The following ASIC2 variants were observed in gnomAD, a reference collection of about 807,000 sequenced individuals.
ASIC2 encodes acid sensing ion channel subunit 2.
Under a neutral mutation model 57.3 loss-of-function variants are expected in ASIC2, and 25 were observed. The observed-to-expected ratio is 0.44, with a 90% CI of 0.32 to 0.61. The LOEUF (loss-of-function observed/expected upper bound fraction) is 0.61, where lower values mean the gene tolerates loss of function less well. Among genes scored for constraint, ASIC2 ranks in the 20% least tolerant of loss-of-function variants. The pLI, the probability that ASIC2 is intolerant of heterozygous loss-of-function variation, is 0.06. For missense variants in ASIC2, 641 were observed against 738.1 expected, an observed-to-expected ratio of 0.87 and a Z score of 1.52; for synonymous variants, 319 against 307.5, an observed-to-expected ratio of 1.04 and a Z score of -0.39.
At chr17:33,477,694 C>T (rs892460205) in intron 1 of ASIC2, among the ~76,000 whole-genome samples, 2 of 152,196 alleles carry the variant, frequency 1.3e-5, no homozygotes, top group Non-Finnish European at 2.9e-5. Context: ...CCTCAAGCAC[C>T]TCACTCTTGA....
chr17:33,973,242 G>A (rs1905272277), intron 1 of ASIC2, among the ~76,000 whole-genome samples: 1 of 152,214 alleles, frequency 6.6e-6, no homozygotes, highest in African/African-American at 2.4e-5. Context: ...TTCAGCTGAA[G>A]GGATCAGAAG....
Position 33,852,290 on chromosome 17 carries a change from C to A in ASIC2, c.555+303688G>T, listed in dbSNP as rs552005339. 3.7e-4 allele frequency among the ~76,000 whole-genome samples: 57 copies of A among 152,320 alleles called. 1 individual carries two copies. The South Asian group carries it at 7.1e-3, about 19-fold the overall frequency. ...TTTAGATATGTGAAGCTGTGAAAAT[C>A]AAAGGCACAGGATGTTTTCTTTGTG... On this transcript the variant is annotated intron_variant, in intron 1 of 9. Transcript: ENST00000359872.
At chr17:33,174,160 G>C (rs547373062) in intron 1 of ASIC2, among the ~76,000 whole-genome samples, 1 of 152,102 alleles carries the variant, frequency 6.6e-6, no homozygotes, top group Non-Finnish European at 1.5e-5. Flanking sequence ...GGTGGTTCAC[G>C]CCTGTAATCC....
chr17:33,065,803 G>T (rs2092041072), intron 3 of ASIC2, among the ~76,000 whole-genome samples: 1 of 152,136 alleles, frequency 6.6e-6, no homozygotes, highest in Non-Finnish European at 1.5e-5. Flanking sequence ...GGAGTAAAAT[G>T]AAAAACTATA....
At chr17:33,560,297 G>C (rs530304410) in intron 1 of ASIC2, among the ~76,000 whole-genome samples, 361 of 152,306 alleles carry the variant, frequency 2.4e-3, no homozygotes, top group Non-Finnish European at 3.3e-3. Context: ...TGATGTTGAC[G>C]TCCTCCCTGA....
rs926493710 is a variant in ASIC2, at chr17:33,643,225, AT to A, written c.555+512752del. Among the ~76,000 whole-genome samples, 41 of 151,224 alleles carry A rather than the reference AT, an allele frequency of 2.7e-4. 1 individual carries two copies. Among genetic ancestry groups the A allele is most frequent in the Admixed American group, 2.6e-3 (40 of 15,168 alleles). ...TGACATCTTGCCATTAATTGGCAGC[AT>A]TTTTTTCTTTCTGGGTGATACATAA... On this transcript the variant is annotated intron_variant, in intron 1 of 9. Coordinates refer to the ASIC2 transcript ENST00000359872.
chr17:33,562,190 C>T (rs1355546001), intron 1 of ASIC2, among the ~76,000 whole-genome samples: 1 of 151,168 alleles, frequency 6.6e-6, no homozygotes, highest in African/African-American at 2.4e-5. Flanking sequence ...CCTTTCTCTG[C>T]ACTTTCAAAT....
chr17:33,797,596 G>T (rs977419024), intron 1 of ASIC2, among the ~76,000 whole-genome samples: 7 of 152,310 alleles, frequency 4.6e-5, no homozygotes, highest in South Asian at 4.2e-4. Flanking sequence ...GCTTGGCTCT[G>T]TGTACAGCAT....
chr17:33,333,962 G>A (rs768785116), intron 1 of ASIC2, among the ~76,000 whole-genome samples: 5 of 152,228 alleles, frequency 3.3e-5, no homozygotes, highest in Admixed American at 6.5e-5. Flanking sequence ...CTCTTCAGTG[G>A]TGTTGGCACA....
chr17:34,032,179 C>G (rs1051291133), intron 1 of ASIC2, among the ~76,000 whole-genome samples: 8 of 152,180 alleles, frequency 5.3e-5, no homozygotes, highest in African/African-American at 1.9e-4. Flanking sequence ...AGAAACTCTA[C>G]AAGCCAGAAG....
At chr17:33,685,112 G>A (rs1425657960) in intron 1 of ASIC2, among the ~76,000 whole-genome samples, 2 of 151,668 alleles carry the variant, frequency 1.3e-5, no homozygotes, top group South Asian at 2.1e-4. Context: ...GGTTCCCCCT[G>A]GGGGGGCTTA....
At chr17:33,741,379 G>T (rs1344346199) in intron 1 of ASIC2, among the ~76,000 whole-genome samples, 2 of 152,176 alleles carry the variant, frequency 1.3e-5, no homozygotes, top group Non-Finnish European at 2.9e-5. Flanking sequence ...CTGCTACACA[G>T]GACTGATAGG....
intron 1 of ASIC2, among the ~76,000 whole-genome samples, chr17:33,476,371 G>C (rs938941725): frequency 6.6e-6 from 1 of 151,994 alleles, no homozygotes; most frequent in Non-Finnish European, 1.5e-5. Context: ...CTGTATGACT[G>C]TATCACAACT....
At chr17:34,034,187 G>T (rs939776825) in intron 1 of ASIC2, among the ~76,000 whole-genome samples, 11 of 152,214 alleles carry the variant, frequency 7.2e-5, no homozygotes, top group Admixed American at 1.3e-4. Context: ...TTCATCCCTG[G>T]AATGCAAGGC....
intron 1 of ASIC2, among the ~76,000 whole-genome samples, chr17:33,313,921 A>C (rs757276966): frequency 5.3e-5 from 8 of 151,974 alleles, no homozygotes; most frequent in Non-Finnish European, 7.4e-5. Context: ...GAAGGTAGGG[A>C]CAGATGTCAT....
intron 1 of ASIC2, among the ~76,000 whole-genome samples, chr17:33,868,213 G>A (rs1034842315): frequency 1.3e-5 from 2 of 151,976 alleles, no homozygotes; most frequent in Admixed American, 1.3e-4. Context: ...GTGTGTGTGT[G>A]TGTGTGAAGG....
chr17:33,919,434 T>C lies in ASIC2; in HGVS notation c.555+236544A>G, dbSNP rs71379426. Among the ~76,000 whole-genome samples, 720 of 152,292 alleles carry C rather than the reference T, an allele frequency of 4.7e-3. 7 individuals carry two copies. Among genetic ancestry groups the C allele is most frequent in the African/African-American group, 0.016 (685 of 41,558 alleles). On this transcript the variant is annotated intron_variant, in intron 1 of 9. Coordinates refer to the ASIC2 transcript ENST00000359872. The stretch of plus-strand genomic sequence containing the variant: ...AACGGGGAAAGGACCTTTTATTCAA[T>C]AAATAGTGCTGGGATAACTGTCTAG...
chr17:33,354,881 G>T lies in ASIC2; in HGVS notation c.556-242814C>A, dbSNP rs367583763. Among the ~76,000 whole-genome samples, 11 of 152,180 alleles carry T rather than the reference G, an allele frequency of 7.2e-5. No individual in the cohort carries two copies. In the South Asian group the frequency reaches 2.3e-3, roughly 32 times the overall value. On this transcript the variant is annotated intron_variant, in intron 1 of 9. Transcript: ENST00000359872. Reference sequence around the variant, plus strand: ...CCTCTGCCTCTGTCCCCACACATGTGCACCTATTTCCATGTCCAGCAGAGA... The same window carrying T: ...CCTCTGCCTCTGTCCCCACACATGTTCACCTATTTCCATGTCCAGCAGAGA...
At chr17:33,306,566 T>C (rs1266165972) in intron 1 of ASIC2, among the ~76,000 whole-genome samples, 2 of 152,172 alleles carry the variant, frequency 1.3e-5, no homozygotes, top group African/African-American at 2.4e-5. Context: ...CCACATTCCA[T>C]CCATCACCAA....
Sources: allele counts gnomAD v4.1 joint callset (sites outside exome capture counted in the v4.1 genomes callset), GRCh38; gene constraint gnomAD v4.1.1; transcripts MANE v1.5; gene names NCBI Gene and HGNC (gene_info 2026-07-23, HGNC 2026-07-21).